BCAS3: variants seen among roughly 807,000 people sequenced by gnomAD.
The protein encoded by BCAS3 is BCAS3 microtubule associated cell migration factor.
BCAS3 carries 53 observed loss-of-function variants against 116.1 expected under a neutral mutation model. The ratio of observed to expected loss-of-function variants is 0.46; its 90% confidence interval spans 0.37 to 0.57. The LOEUF is 0.57. Among genes scored for constraint, BCAS3 ranks in the 20% least tolerant of loss-of-function variants. The pLI, the probability that BCAS3 is intolerant of heterozygous loss-of-function variation, is 0.00. For synonymous variants in BCAS3, 391 were observed against 408.2 expected (o/e 0.96, Z 0.51); for missense variants, 917 against 1,165.4 (o/e 0.79, Z 3.10).
chr17:61,365,798 A>C lies in BCAS3; in HGVS notation c.2426-2529A>C, dbSNP rs2058697686. The stretch of plus-strand genomic sequence containing the variant: ...TTGTGAAGTGAGAAAACAAATGGTC[A>C]TTCTCTTCCCAATTTTCCAGGCTCT... On this transcript the variant is annotated intron_variant, in intron 22 of 23. Coordinates refer to ENST00000407086, the MANE Select transcript of BCAS3 (RefSeq NM_017679.5). The surrounding 1 kb of genome is among the most constrained non-coding windows in gnomAD (Gnocchi z 4.6). Among the ~76,000 whole-genome samples the C allele has an allele frequency of 6.6e-6, 1 of 152,074 alleles. No homozygotes were observed. Among genetic ancestry groups the C allele is most frequent in the Admixed American group, 6.6e-5 (1 of 15,258 alleles).
At chr17:61,047,778 A>G (rs1215196272) in intron 19 of BCAS3, among the ~76,000 whole-genome samples, 1 of 152,036 alleles carries the variant, frequency 6.6e-6, no homozygotes, top group African/African-American at 2.4e-5. Flanking sequence ...TTAAAAACAG[A>G]GCTTACTGAG....
chr17:60,880,311 A>G (rs1023032386), intron 9 of BCAS3, among the ~76,000 whole-genome samples: 2 of 150,484 alleles, frequency 1.3e-5, no homozygotes, highest in African/African-American at 2.4e-5. Context: ...TTTTTTTGAG[A>G]TGGAGTCTCG....
chr17:61,035,162 C>A (rs1258529672), intron 17 of BCAS3, among the ~76,000 whole-genome samples: 1 of 152,080 alleles, frequency 6.6e-6, no homozygotes, highest in Non-Finnish European at 1.5e-5. Flanking sequence ...AGATGAAGAA[C>A]TTGAGACCAG....
In BCAS3 at chr17:61,235,374, A is replaced by G. The variant is rs911796228; in HGVS notation, c.2426-132953A>G. Reference sequence around the variant, plus strand: ...CTCAAACAAGTAACCTTCAATGAAAATGTACAGTTTTGAGAATTTCGATAT... The same window carrying G: ...CTCAAACAAGTAACCTTCAATGAAAGTGTACAGTTTTGAGAATTTCGATAT... On this transcript the variant is annotated intron_variant, in intron 22 of 23. Transcript: ENST00000407086. This position sits in a 1 kb window ranked among gnomAD's most constrained non-coding sequence, Gnocchi z 5.0. Among the ~76,000 whole-genome samples, 4 of 152,226 alleles carry G rather than the reference A, an allele frequency of 2.6e-5. No homozygotes were observed. The highest frequency in any genetic ancestry group is 9.6e-5 in the African/African-American group (4 of 41,464).
Position 61,040,897 on chromosome 17 carries a change from G to A in BCAS3, c.2029+5G>A. On this transcript the variant is annotated splice_donor_5th_base_variant and intron_variant, in intron 19 of 23. Transcript: ENST00000407086. Reference sequence around the variant, plus strand: ...ATCAGTTCCTGCTTGCTGGCCGTAAGTAGTTCAGATTTTTTTTTTCCTTTC... The same window carrying A: ...ATCAGTTCCTGCTTGCTGGCCGTAAATAGTTCAGATTTTTTTTTTCCTTTC... 6.2e-7 allele frequency: 1 copy of A among 1,611,110 alleles called. No individual in the cohort carries two copies. The highest frequency in any genetic ancestry group is 8.5e-7 in the Non-Finnish European group (1 of 1,177,880).
At chr17:61,033,467 A>G (rs2066793809) in intron 16 of BCAS3, among the ~76,000 whole-genome samples, 1 of 152,214 alleles carries the variant, frequency 6.6e-6, no homozygotes, top group Non-Finnish European at 1.5e-5. Context: ...GAGAGGTTAC[A>G]TAACTTAACC....
Position 61,149,241 on chromosome 17 carries a change from C to G in BCAS3, c.2425+64677C>G, listed in dbSNP as rs548406311. ...GACGCCTTGAGGAGTTAATGCACCT[C>G]CACAAACCTGCTTTCCGCTGGTAAG... On this transcript the variant is annotated intron_variant, in intron 22 of 23. Transcript: ENST00000407086. Among the ~76,000 whole-genome samples, 9 of 152,144 alleles carry G rather than the reference C, an allele frequency of 5.9e-5. No homozygotes were observed. In the South Asian group the frequency reaches 1.9e-3, roughly 32 times the overall value.
At chr17:60,888,940 T>C in intron 9 of BCAS3, among the ~76,000 whole-genome samples, 1 of 152,202 alleles carries the variant, frequency 6.6e-6, no homozygotes, top group East Asian at 1.9e-4. Flanking sequence ...TCTTTAGTGC[T>C]TTTGAGCATA....
At position 61,291,697 on chromosome 17, in the gene BCAS3, A is replaced by T. The variant is rs77042380; in HGVS notation, c.2426-76630A>T. 4.9e-4 allele frequency among the ~76,000 whole-genome samples: 74 copies of T among 152,260 alleles called. 1 individual carries two copies. The South Asian group carries it at 0.015, about 32-fold the overall frequency. On this transcript the variant is annotated intron_variant, in intron 22 of 23. Coordinates refer to ENST00000407086, the MANE Select transcript of BCAS3 (RefSeq NM_017679.5). ...TTATGGCAGTTTGTGCTTCGTGTAC[A>T]CTTTCATGTGTTTAGGATGGTTGCC...
chr17:60,728,109 T>C (rs2040089892), intron 5 of BCAS3, among the ~76,000 whole-genome samples: 1 of 151,872 alleles, frequency 6.6e-6, no homozygotes, highest in Admixed American at 6.6e-5. Flanking sequence ...GTACCCGGCC[T>C]GGTTTTTGGT....
At chr17:61,103,475 A>G (rs1027024395) in intron 22 of BCAS3, among the ~76,000 whole-genome samples, 2 of 152,152 alleles carry the variant, frequency 1.3e-5, no homozygotes, top group Non-Finnish European at 2.9e-5. Context: ...TTAACTCCCT[A>G]AGTCTCCTCT....
At chr17:60,860,401 T>C (rs889117294) in intron 7 of BCAS3, among the ~76,000 whole-genome samples, 2 of 152,208 alleles carry the variant, frequency 1.3e-5, no homozygotes, top group African/African-American at 4.8e-5. Context: ...GTCAGATGCA[T>C]AGTTCACAAA....
Position 61,186,581 on chromosome 17 carries a change from G to T in BCAS3, c.2425+102017G>T, listed in dbSNP as rs573113106. Among the ~76,000 whole-genome samples the T allele has an allele frequency of 1.3e-5, 2 of 151,890 alleles. No individual in the cohort carries two copies. The highest frequency in any genetic ancestry group is 2.9e-5 in the Non-Finnish European group (2 of 67,992). ...ATTTTAATTGTTCATTTGAATTTTTGTCTTCATATTATTTTAAATTTTCAA... is the reference window on the plus strand; with the variant it reads ...ATTTTAATTGTTCATTTGAATTTTTTTCTTCATATTATTTTAAATTTTCAA... On this transcript the variant is annotated intron_variant, in intron 22 of 23. Coordinates refer to ENST00000407086, the MANE Select transcript of BCAS3 (RefSeq NM_017679.5). The surrounding 1 kb of genome is among the most constrained non-coding windows in gnomAD (Gnocchi z 4.9).
At chr17:60,902,443 A>G (rs1418335033) in intron 10 of BCAS3, among the ~76,000 whole-genome samples, 177 bp from the exon 11 acceptor site, 1 of 152,222 alleles carries the variant, frequency 6.6e-6, no homozygotes, top group South Asian at 2.1e-4. Context: ...GTAGATTATA[A>G]AAAGGGGTAG....
Position 61,026,386 on chromosome 17 carries a change from A to G in BCAS3, c.1638-8280A>G, listed in dbSNP as rs2066247942. Reference sequence around the variant, plus strand: ...ACGACAAATAAGCAGCTTGAAAAATATGTGCCTCTTTCTGTGGTTCTGAGA... The same window carrying G: ...ACGACAAATAAGCAGCTTGAAAAATGTGTGCCTCTTTCTGTGGTTCTGAGA... On this transcript the variant is annotated intron_variant, in intron 16 of 23. Transcript: ENST00000407086. This position sits in a 1 kb window ranked among gnomAD's most constrained non-coding sequence, Gnocchi z 5.0. 6.6e-6 allele frequency among the ~76,000 whole-genome samples: 1 copy of G among 152,066 alleles called. No homozygotes were observed. The highest frequency in any genetic ancestry group is 1.5e-5 in the Non-Finnish European group (1 of 67,950).
chr17:60,713,397 A>G (rs927752484), intron 5 of BCAS3, among the ~76,000 whole-genome samples: 2 of 152,226 alleles, frequency 1.3e-5, no homozygotes, highest in Non-Finnish European at 2.9e-5. Flanking sequence ...TATATGCTAG[A>G]CAGTGGGGAG....
intron 6 of BCAS3, among the ~76,000 whole-genome samples, chr17:60,752,952 T>C (rs1414394967): frequency 6.6e-6 from 1 of 151,982 alleles, no homozygotes; most frequent in East Asian, 1.9e-4. Context: ...TCAAGCAATC[T>C]TCCCACCACA....
chr17:60,718,828 G>A (rs1282776605), intron 5 of BCAS3, among the ~76,000 whole-genome samples: 1 of 152,120 alleles, frequency 6.6e-6, no homozygotes, highest in African/African-American at 2.4e-5. Context: ...TTGGGAGGCC[G>A]AGGTGGGCAG....
rs1484116658 is a variant in BCAS3 at position 61,012,799 on chromosome 17, A to G, written c.1487-2952A>G. ...GAAGCATTTTAAGTTGTGCCTAGCT[A>G]AACCACAGATTTGGAACTTCTCAGT... On this transcript the variant is annotated intron_variant, in intron 15 of 23. Coordinates refer to ENST00000407086, the MANE Select transcript of BCAS3 (RefSeq NM_017679.5). The surrounding 1 kb of genome is among the most constrained non-coding windows in gnomAD (Gnocchi z 4.5). Among the ~76,000 whole-genome samples, 1 of 151,986 alleles carries G rather than the reference A, an allele frequency of 6.6e-6. No individual in the cohort carries two copies. The highest frequency in any genetic ancestry group is 1.5e-5 in the Non-Finnish European group (1 of 67,916).
Sources: allele counts gnomAD v4.1 joint callset (sites outside exome capture counted in the v4.1 genomes callset), GRCh38; gene constraint gnomAD v4.1.1; non-coding constraint Gnocchi (gnomAD v3.1); transcripts MANE v1.5; gene names NCBI Gene and HGNC (gene_info 2026-07-23, HGNC 2026-07-21).